MCOLN3: variants seen among roughly 807,000 people sequenced by gnomAD.
MCOLN3 encodes mucolipin-3.
A neutral mutation model predicts 69.4 loss-of-function variants in MCOLN3; 62 were observed. The ratio of observed to expected loss-of-function variants is 0.89; its 90% CI spans 0.73 to 1.10. MCOLN3 has a LOEUF of 1.10. Among genes scored for constraint, MCOLN3 ranks in the 50% least tolerant of loss-of-function variants. The pLI is 0.00. For synonymous variants in MCOLN3, 183 were observed against 217.0 expected (o/e 0.84, Z 1.38); for missense variants, 564 against 656.4 (o/e 0.86, Z 1.54).
Position 85,019,189 on chromosome 1 carries a change from G to A in MCOLN3, c.1596C>T (p.Pro532=), listed in dbSNP as rs1012062074. The change falls in exon 13 of 13, where the codon CCC becomes CCT. Residue 532 remains proline, a synonymous_variant. Coordinates refer to ENST00000370589, the MANE Select transcript of MCOLN3 (RefSeq NM_018298.11). Reference sequence around the variant, plus strand: ...CTTCTAATCTGTATTTTCCAGAGTTGGGTAGATCTTTGCATTCTGATATAA... The same window carrying A: ...CTTCTAATCTGTATTTTCCAGAGTTAGGTAGATCTTTGCATTCTGATATAA... ...RTFISECKDL[P]NSGKYRLEDD... The A allele has an allele frequency of 3.1e-6, 5 of 1,613,170 alleles. No homozygotes were observed. The African/African-American group carries it at 6.7e-5, about 22-fold the overall frequency.
chr1:85,041,250 G>T, intron 2 of MCOLN3, 73 bp from the exon 3 acceptor site: 1 of 1,235,734 alleles, frequency 8.1e-7, no homozygotes, highest in East Asian at 2.5e-5. Flanking sequence ...AGGTACAGGG[G>T]CTTGAACAAC....
intron 9 of MCOLN3, chr1:85,023,657 A>G (rs137990956): frequency 2.0e-5 from 3 of 152,312 alleles, no homozygotes; most frequent in Admixed American, 6.5e-5. Context: ...AGTTCAGGGA[A>G]GAATTCTAAG....
At chr1:85,043,536 A>C in intron 2 of MCOLN3, among the ~76,000 whole-genome samples, 1 of 151,846 alleles carries the variant, frequency 6.6e-6, no homozygotes, top group Non-Finnish European at 1.5e-5. Context: ...TCTCAAAAAA[A>C]AAAAAAGAAT....
rs772167952 is a variant in MCOLN3, at chr1:85,022,298, C to T, written c.1197+1G>A. The T allele has an allele frequency of 6.8e-6, 11 of 1,613,648 alleles. No homozygotes were observed. The highest frequency in any genetic ancestry group is 3.3e-5 in the Admixed American group (2 of 59,976). ...GCATGGAGATCCGTGGAATTCCTTA[C>T]GTTGTACTTTGCAAAGAAACCGAGG... On this transcript the variant is annotated splice_donor_variant, in intron 10 of 12. Coordinates refer to ENST00000370589, the MANE Select transcript of MCOLN3 (RefSeq NM_018298.11). LOFTEE classifies it high-confidence loss of function.
chr1:85,020,023 A>T (rs1420905359), intron 12 of MCOLN3, among the ~76,000 whole-genome samples: 2 of 152,206 alleles, frequency 1.3e-5, no homozygotes, highest in Admixed American at 6.5e-5. Context: ...ATCAAAGGTG[A>T]AAACCCATGT....
chr1:85,037,639 T>C (rs952538441), intron 3 of MCOLN3, among the ~76,000 whole-genome samples: 1 of 152,240 alleles, frequency 6.6e-6, no homozygotes, highest in Admixed American at 6.5e-5. Context: ...ATATGGCTCT[T>C]TGTGCAGGTC....
intron 4 of MCOLN3, 27 bp from the exon 5 acceptor site, chr1:85,032,983 A>T: frequency 4.4e-6 from 7 of 1,588,748 alleles, no homozygotes; most frequent in Non-Finnish European, 6.0e-6. Context: ...CAAAAACATG[A>T]TACAGTACTT....
At chr1:85,041,991 GCACA>G (rs146720463) in intron 2 of MCOLN3, among the ~76,000 whole-genome samples, 15 of 145,600 alleles carry the variant, frequency 1.0e-4, no homozygotes, top group East Asian at 4.0e-4. Context: ...GCACACACAG[GCACA>G]CACACACACA....
In MCOLN3 at chr1:85,018,588, T is replaced by C. The variant is rs1173884987; in HGVS notation, c.*535A>G. 1.3e-5 allele frequency: 2 copies of C among 152,544 alleles called. No homozygotes were observed. Among genetic ancestry groups the C allele is most frequent in the Non-Finnish European group, 2.9e-5 (2 of 68,332 alleles). 9.4% of individuals were successfully genotyped at this position (152,544 alleles called of 1,614,324 possible). A position where few individuals can be genotyped will look rare whatever the true frequency, so the allele number is the denominator to read the frequency against. ...CATATGGCCGTATCACATTGTTAGC[T>C]GGTGCGCTCTTATTCTGGTGCGCTC... On this transcript the variant is annotated 3_prime_UTR_variant, in exon 13 of 13. Coordinates refer to ENST00000370589, the MANE Select transcript of MCOLN3 (RefSeq NM_018298.11).
At chr1:85,043,988 A>C (rs1035391217) in intron 2 of MCOLN3, among the ~76,000 whole-genome samples, 1 of 152,104 alleles carries the variant, frequency 6.6e-6, no homozygotes, top group African/African-American at 2.4e-5. Flanking sequence ...TCTTGAGCTC[A>C]AGCAATCCAC....
chr1:85,025,927 GA>G lies in MCOLN3; in HGVS notation c.1095+11del, dbSNP rs751354499. 3 of 1,585,562 alleles carry G rather than the reference GA, an allele frequency of 1.9e-6. No homozygotes were observed. Among genetic ancestry groups the G allele is most frequent in the Admixed American group, 1.8e-5 (1 of 54,698 alleles). On this transcript the variant is annotated intron_variant, in intron 9 of 12. Coordinates refer to ENST00000370589, the MANE Select transcript of MCOLN3 (RefSeq NM_018298.11). ...CTGACACTAACAATAGCATGATTAG[GA>G]AAAAAATTACCTTAGCTTGGATTTC...
At chr1:85,047,434 C>T (rs934156794) in intron 1 of MCOLN3, 3 of 152,280 alleles carry the variant, frequency 2.0e-5, no homozygotes, top group African/African-American at 7.2e-5. Context: ...TTGACATTCA[C>T]CCGGAGCGCC....
intron 3 of MCOLN3, 120 bp downstream of exon 3, chr1:85,040,890 C>A (rs752563881): frequency 2.1e-6 from 2 of 931,592 alleles, no homozygotes; most frequent in Non-Finnish European, 3.1e-6. Flanking sequence ...TTGTATGTGT[C>A]ATTTCCAAGC....
intron 9 of MCOLN3, chr1:85,023,067 T>C (rs1285924144): frequency 6.7e-6 from 1 of 149,876 alleles, no homozygotes; most frequent in Middle Eastern, 3.2e-3. Flanking sequence ...ACCAGGTGAT[T>C]TTTATTCTTT....
intron 3 of MCOLN3, among the ~76,000 whole-genome samples, chr1:85,040,504 T>C (rs1239074881): frequency 6.6e-6 from 1 of 152,186 alleles, no homozygotes; most frequent in African/African-American, 2.4e-5. Flanking sequence ...TTCATCTATA[T>C]GAAAAACAAG....
At chr1:85,046,247 T>C (rs1653346279) in intron 1 of MCOLN3, among the ~76,000 whole-genome samples, 2 of 151,770 alleles carry the variant, frequency 1.3e-5, no homozygotes, top group Admixed American at 1.3e-4. Context: ...TCGCTTGTAA[T>C]GACTTTTTAT....
intron 3 of MCOLN3, 95 bp from the exon 4 acceptor site, chr1:85,034,346 T>G: frequency 7.6e-7 from 1 of 1,319,754 alleles, no homozygotes; most frequent in East Asian, 2.4e-5. Context: ...TCCTGGCAGG[T>G]TCCCTTGGGA....
At chr1:85,019,380 T>A in intron 12 of MCOLN3, 123 bp from the exon 13 acceptor site, 1 of 897,532 alleles carries the variant, frequency 1.1e-6, no homozygotes, top group Non-Finnish European at 1.7e-6. Flanking sequence ...TCGTTACTCC[T>A]GAGTACCTGC....
chr1:85,032,885 G>A lies in MCOLN3; in HGVS notation c.622C>T (p.Leu208=), dbSNP rs758664352. The change falls in exon 5 of 13, where the codon CTG becomes TTG. Residue 208 remains leucine (L), a synonymous_variant. Coordinates refer to ENST00000370589, the MANE Select transcript of MCOLN3 (RefSeq NM_018298.11). ...TPAENKLNLT[L]DFHRLLTVEL... is the part of the protein sequence containing the mutation. Reference sequence around the variant, plus strand: ...TGCTCCCCTCACCTGTGGAAGTCCAGTGTTAAGTTCAGTTTATTTTCTGCT... The same window carrying A: ...TGCTCCCCTCACCTGTGGAAGTCCAATGTTAAGTTCAGTTTATTTTCTGCT... The A allele has an allele frequency of 3.6e-5, 58 of 1,614,078 alleles. No homozygotes were observed. The Admixed American group carries it at 9.7e-4, about 27-fold the overall frequency.
Sources: allele counts gnomAD v4.1 joint callset (sites outside exome capture counted in the v4.1 genomes callset), GRCh38; gene constraint gnomAD v4.1.1; transcripts MANE v1.5; gene names NCBI Gene and HGNC (gene_info 2026-07-23, HGNC 2026-07-21).